Variants in FMN1 observed in about 807,000 individuals in gnomAD.
FMN1 encodes the protein formin-1.
Under a neutral mutation model 132.4 loss-of-function variants are expected in FMN1, and 110 were observed. That is an observed-to-expected ratio of 0.83 (90% CI 0.71 to 0.97). FMN1 has a LOEUF of 0.97. FMN1 is among the 50% of genes least tolerant of loss of function. The pLI is 0.00. For synonymous variants in FMN1, 722 were observed against 651.7 expected, an observed-to-expected ratio of 1.11 and a Z score of -1.64; for missense variants, 1,792 against 1,705.3, an observed-to-expected ratio of 1.05 and a Z score of -0.90.
In FMN1 at chr15:33,064,963, C is replaced by T; in HGVS notation, c.2155G>A (p.Glu719Lys). ...TEEKVGLKYT[E>K]AEYQAAILHL... Reference sequence around the variant, plus strand: ...TAGCTTCCTTTCACATTACCTGCTTCAGTGTACTTCAGTCCCACTTTTTCT... The same window carrying T: ...TAGCTTCCTTTCACATTACCTGCTTTAGTGTACTTCAGTCCCACTTTTTCT... Residue 719 changes from glutamate (E) to lysine (K), a missense_variant, in exon 6 of 21, where the codon GAA becomes AAA. By Grantham distance (56) the Glu-to-Lys change is moderately conservative (BLOSUM62 1). Transcript: ENST00000616417. 6.2e-7 allele frequency: 1 copy of T among 1,607,106 alleles called. No individual in the cohort carries two copies. Among genetic ancestry groups the T allele is most frequent in the Non-Finnish European group, 8.5e-7 (1 of 1,176,104 alleles).
intron 16 of FMN1, among the ~76,000 whole-genome samples, chr15:32,868,059 C>T (rs7165427): frequency 0.67 from 101,759 of 152,020 alleles, 35,214 homozygotes; most frequent in African/African-American, 0.85. Context: ...AGTGTCTTGA[C>T]AGAATTTGGC....
chr15:32,895,776 A>G (rs2060139102), intron 15 of FMN1, among the ~76,000 whole-genome samples: 1 of 152,054 alleles, frequency 6.6e-6, no homozygotes, highest in Admixed American at 6.6e-5. Flanking sequence ...TTCATTGTCT[A>G]TTATGTTGTA....
intron 4 of FMN1, among the ~76,000 whole-genome samples, chr15:33,095,846 T>TA (rs1331828317): frequency 1.3e-5 from 2 of 152,268 alleles, no homozygotes; most frequent in African/African-American, 4.8e-5. Flanking sequence ...CTGGTTGTCT[T>TA]AATAGCTAAG....
chr15:33,018,264 A>C (rs774078072), intron 6 of FMN1, among the ~76,000 whole-genome samples: 2 of 152,072 alleles, frequency 1.3e-5, no homozygotes, highest in Non-Finnish European at 2.9e-5. Context: ...TACACTTTCC[A>C]AAGTGATGTC....
intron 7 of FMN1, among the ~76,000 whole-genome samples, chr15:32,982,290 C>A (rs982995550): frequency 3.3e-5 from 5 of 152,138 alleles, no homozygotes; most frequent in African/African-American, 1.2e-4. Context: ...GAATGTGGAA[C>A]AACTAGAACT....
At chr15:32,977,477 A>T (rs1567496044) in intron 7 of FMN1, among the ~76,000 whole-genome samples, 1 of 152,210 alleles carries the variant, frequency 6.6e-6, no homozygotes, top group Non-Finnish European at 1.5e-5. Context: ...CAGGTGGAAA[A>T]AGCATTGGGT....
intron 7 of FMN1, among the ~76,000 whole-genome samples, chr15:32,987,307 T>C (rs1487983017): frequency 6.6e-6 from 1 of 152,196 alleles, no homozygotes; most frequent in African/African-American, 2.4e-5. Flanking sequence ...ATTTGTCAGT[T>C]ACAAGAGATG....
intron 6 of FMN1, among the ~76,000 whole-genome samples, chr15:33,031,062 AATTATT>A (rs141775038): frequency 2.8e-4 from 40 of 142,672 alleles, no homozygotes; most frequent in African/African-American, 9.2e-4. Flanking sequence ...CCTGTGTGGG[AATTATT>A]ATTATTATTA....
intron 19 of FMN1, among the ~76,000 whole-genome samples, chr15:32,795,024 C>T (rs190550848): frequency 7.9e-5 from 12 of 151,818 alleles, no homozygotes; most frequent in East Asian, 5.8e-4. Context: ...AGTGAGACAC[C>T]GTCTCTACAA....
At chr15:32,832,212 G>A (rs953957158) in intron 17 of FMN1, among the ~76,000 whole-genome samples, 5 of 152,174 alleles carry the variant, frequency 3.3e-5, no homozygotes, top group Non-Finnish European at 7.3e-5. Context: ...AATGGTAGCA[G>A]GGAAGACATA....
chr15:33,084,404 T>C (rs1281377507), intron 5 of FMN1, among the ~76,000 whole-genome samples: 2 of 152,184 alleles, frequency 1.3e-5, no homozygotes, highest in African/African-American at 2.4e-5. Flanking sequence ...ACAGAAGTTA[T>C]GGGTAACCTG....
intron 4 of FMN1, among the ~76,000 whole-genome samples, chr15:33,136,825 C>T (rs1006944207): frequency 1.3e-5 from 2 of 152,084 alleles, no homozygotes; most frequent in African/African-American, 4.8e-5. Context: ...TGGTGGCTCA[C>T]GCCTGTAATC....
At chr15:32,897,950 T>C (rs2060199781) in intron 15 of FMN1, among the ~76,000 whole-genome samples, 1 of 152,134 alleles carries the variant, frequency 6.6e-6, no homozygotes, top group Non-Finnish European at 1.5e-5. Flanking sequence ...AAAACTACGA[T>C]ATTCTTAACA....
intron 17 of FMN1, among the ~76,000 whole-genome samples, chr15:32,851,837 T>C (rs2059016689): frequency 6.6e-6 from 1 of 152,208 alleles, no homozygotes; most frequent in African/African-American, 2.4e-5. Context: ...GAATTGCAGC[T>C]GATATAAAAA....
At chr15:33,109,226 G>C (rs969640441) in intron 4 of FMN1, among the ~76,000 whole-genome samples, 1 of 151,974 alleles carries the variant, frequency 6.6e-6, no homozygotes, top group African/African-American at 2.4e-5. Context: ...TGCAAGTAAG[G>C]TTTTTGAGGT....
intron 6 of FMN1, among the ~76,000 whole-genome samples, chr15:33,028,890 G>A (rs554769610): frequency 3.3e-5 from 5 of 152,176 alleles, no homozygotes; most frequent in East Asian, 1.9e-4. Flanking sequence ...TTGATCCGAC[G>A]CTAGTCCAAA....
intron 16 of FMN1, among the ~76,000 whole-genome samples, chr15:32,873,356 T>C (rs1253048144): frequency 1.3e-5 from 2 of 152,308 alleles, no homozygotes; most frequent in Non-Finnish European, 2.9e-5. Flanking sequence ...AAGTGGCCAA[T>C]AGTCTCGCTT....
intron 4 of FMN1, among the ~76,000 whole-genome samples, chr15:33,114,065 C>T (rs1217104015): frequency 6.6e-6 from 1 of 152,208 alleles, no homozygotes; most frequent in East Asian, 1.9e-4. Context: ...TCCTACCCAA[C>T]ACCTTCTCTT....
intron 3 of FMN1, among the ~76,000 whole-genome samples, chr15:33,167,649 C>T: frequency 6.6e-6 from 1 of 152,140 alleles, no homozygotes; most frequent in Non-Finnish European, 1.5e-5. Context: ...CTGTTAATAG[C>T]CTACTGTTGA....
Sources: allele counts gnomAD v4.1 joint callset (sites outside exome capture counted in the v4.1 genomes callset), GRCh38; gene constraint gnomAD v4.1.1; transcripts MANE v1.5; gene names NCBI Gene and HGNC (gene_info 2026-07-23, HGNC 2026-07-21).